Variants in TMCO1 observed in about 807,000 individuals in gnomAD.
The protein encoded by TMCO1 is transmembrane and coiled-coil domains 1.
A neutral mutation model predicts 29.3 loss-of-function variants in TMCO1; 29 were observed. That is an observed-to-expected ratio of 0.99 (90% CI 0.74 to 1.35). TMCO1 has a LOEUF of 1.35. TMCO1 is among the 40% of genes most tolerant of loss of function. TMCO1 has a pLI of 0.00. For missense variants in TMCO1, 173 were observed against 225.5 expected (o/e 0.77, Z 1.49); for synonymous variants, 80 against 77.1 (o/e 1.04, Z -0.20).
intron 6 of TMCO1, among the ~76,000 whole-genome samples, chr1:165,738,316 A>G (rs892079695): frequency 3.9e-5 from 6 of 152,002 alleles, no homozygotes; most frequent in Admixed American, 1.3e-4. Flanking sequence ...CAACAACAAA[A>G]CAACCGAAAA....
At chr1:165,726,598 A>C (rs1352741899), downstream of TMCO1, 1 of 458,720 alleles carries the variant, frequency 2.2e-6, no homozygotes. Flanking sequence ...GAAGGTAAGA[A>C]CAGTAATTAC....
intron 5 of TMCO1, among the ~76,000 whole-genome samples, chr1:165,747,884 C>A (rs188009472): frequency 1.3e-5 from 2 of 152,230 alleles, no homozygotes; most frequent in East Asian, 3.9e-4. Context: ...GAAGGCAGGG[C>A]GTGGTGGCTC....
At chr1:165,745,453 A>G (rs1244601834) in intron 5 of TMCO1, among the ~76,000 whole-genome samples, 1 of 143,788 alleles carries the variant, frequency 7.0e-6, no homozygotes, top group Non-Finnish European at 1.5e-5. Flanking sequence ...CCCGGGCAAC[A>G]TGGCGAAACC....
chr1:165,737,705 G>A (rs570880830), intron 6 of TMCO1, among the ~76,000 whole-genome samples: 1 of 152,194 alleles, frequency 6.6e-6, no homozygotes, highest in African/African-American at 2.4e-5. Flanking sequence ...ATGCTTAAAG[G>A]TTAAAACGAA....
chr1:165,740,287 C>T lies in TMCO1; in HGVS notation c.468+2880G>A, dbSNP rs189615845. ...CGTGATCTTGGCTCCCTGCAATCTC[C>T]GCCTCCAGGTTCACACCATTCTCCT... On this transcript the variant is annotated intron_variant, in intron 6 of 6. Coordinates refer to ENST00000367881, the MANE Select transcript of TMCO1 (RefSeq NM_019026.6). 2.1e-4 allele frequency among the ~76,000 whole-genome samples: 32 copies of T among 151,918 alleles called. No homozygotes were observed. The East Asian group carries it at 4.1e-3, about 20-fold the overall frequency.
At chr1:165,725,740 T>C (rs1020851578), downstream of TMCO1, 1 of 454,532 alleles carries the variant, frequency 2.2e-6, no homozygotes, top group Middle Eastern at 6.9e-4. Context: ...AAAAAACTAA[T>C]TGTGAGGCTG....
intron 2 of TMCO1, among the ~76,000 whole-genome samples, chr1:165,767,842 G>A (rs908823220): frequency 6.6e-6 from 1 of 152,148 alleles, no homozygotes; most frequent in African/African-American, 2.4e-5. Flanking sequence ...ACCATACCCA[G>A]CTAATTTTTT....
At chr1:165,734,982 G>A (rs2101790736) in intron 6 of TMCO1, among the ~76,000 whole-genome samples, 1 of 152,224 alleles carries the variant, frequency 6.6e-6, no homozygotes, top group South Asian at 2.1e-4. Context: ...CTTATAAAGT[G>A]GAAATAAAAA....
At chr1:165,768,310 G>C in intron 1 of TMCO1, 41 bp from the exon 2 acceptor site, 1 of 1,580,248 alleles carries the variant, frequency 6.3e-7, no homozygotes, top group Non-Finnish European at 8.7e-7. Context: ...GAAATGACTG[G>C]AATGATCACA....
Position 165,768,784 on chromosome 1 carries a change from A to G in TMCO1, c.-33T>C. The G allele has an allele frequency of 6.2e-7, 1 of 1,613,942 alleles. No homozygotes were observed. Among genetic ancestry groups the G allele is most frequent in the Non-Finnish European group, 8.5e-7 (1 of 1,179,936 alleles). ...CTTCGTCTCTGCACTCTCACCCGCC[A>G]GGGGGAAAGCGCTCTACAGCCAGGA... On this transcript the variant is annotated 5_prime_UTR_variant, in exon 1 of 7. Coordinates refer to ENST00000367881, the MANE Select transcript of TMCO1 (RefSeq NM_019026.6).
chr1:165,766,903 C>T (rs1270083592), intron 2 of TMCO1, among the ~76,000 whole-genome samples: 1 of 152,136 alleles, frequency 6.6e-6, no homozygotes, highest in Non-Finnish European at 1.5e-5. Flanking sequence ...TGGAGGTACC[C>T]ATCACCAAGA....
At position 165,732,896 on chromosome 1, in the gene TMCO1, C is replaced by T. The variant is rs12077875; in HGVS notation, c.469-4775G>A. ...TTGCCTTCCCCAACTTTTTGAAATA[C>T]TGCTAAATGGAATACTTTTAAAATA... On this transcript the variant is annotated intron_variant, in intron 6 of 6. Transcript: ENST00000367881. Among the ~76,000 whole-genome samples the T allele has an allele frequency of 7.3e-3, 1,108 of 152,108 alleles. 23 individuals are homozygous for T. The highest frequency in any genetic ancestry group is 0.044 in the South Asian group (213 of 4,820).
intron 2 of TMCO1, among the ~76,000 whole-genome samples, chr1:165,767,142 TAACCAC>T: frequency 6.6e-6 from 1 of 152,106 alleles, no homozygotes. Flanking sequence ...TTTATACGAG[TAACCAC>T]AAATGGTTGC....
At chr1:165,752,843 G>C (rs1044772006) in intron 4 of TMCO1, among the ~76,000 whole-genome samples, 2 of 152,116 alleles carry the variant, frequency 1.3e-5, no homozygotes. Context: ...CTGTATGTTG[G>C]GTAACCCACC....
chr1:165,755,724 C>T (rs570347307), intron 3 of TMCO1, among the ~76,000 whole-genome samples: 4 of 152,304 alleles, frequency 2.6e-5, no homozygotes, highest in African/African-American at 9.6e-5. Context: ...AGACAAGCTT[C>T]AGAATGTCTG....
chr1:165,753,067 G>C (rs2101807591), intron 4 of TMCO1, among the ~76,000 whole-genome samples: 1 of 152,268 alleles, frequency 6.6e-6, no homozygotes, highest in Middle Eastern at 3.4e-3. Flanking sequence ...TATGCTTTAG[G>C]AAGATATGCT....
chr1:165,737,712 C>T (rs539279455), intron 6 of TMCO1, among the ~76,000 whole-genome samples: 1 of 152,140 alleles, frequency 6.6e-6, no homozygotes, highest in East Asian at 1.9e-4. Flanking sequence ...AAGGTTAAAA[C>T]GAACAAAAAA....
chr1:165,742,902 G>T (rs1036042552), intron 6 of TMCO1, among the ~76,000 whole-genome samples: 1 of 152,136 alleles, frequency 6.6e-6, no homozygotes, highest in African/African-American at 2.4e-5. Flanking sequence ...TTAGGCAGTT[G>T]TAATAAAGAA....
intron 2 of TMCO1, among the ~76,000 whole-genome samples, chr1:165,760,326 G>T (rs571550572): frequency 6.6e-6 from 1 of 152,044 alleles, no homozygotes; most frequent in East Asian, 1.9e-4. Context: ...AGCTACTTGG[G>T]AAGCTGAGGC....
Sources: allele counts gnomAD v4.1 joint callset (sites outside exome capture counted in the v4.1 genomes callset), GRCh38; gene constraint gnomAD v4.1.1; transcripts MANE v1.5; gene names NCBI Gene and HGNC (gene_info 2026-07-23, HGNC 2026-07-21).